Variants in ADAM32 observed in about 807,000 individuals in gnomAD.
The protein encoded by ADAM32 is ADAM metallopeptidase domain 32.
Under a neutral mutation model 114.9 loss-of-function variants are expected in ADAM32, and 89 were observed. The ratio of observed to expected loss-of-function variants is 0.77; its 90% confidence interval spans 0.65 to 0.92. ADAM32 has a LOEUF of 0.92. Among genes scored for constraint, ADAM32 ranks in the 40% least tolerant of loss-of-function variants. The probability of loss-of-function intolerance (pLI) is 0.00; values close to 1 mark genes in which losing one functional copy is unlikely to be tolerated. For missense variants in ADAM32, 870 were observed against 932.8 expected (o/e 0.93, Z 0.88); for synonymous variants, 285 against 307.5 (o/e 0.93, Z 0.77).
At chr8:39,276,810 T>C (rs1813102680) in intron 22 of ADAM32, among the ~76,000 whole-genome samples, 1 of 152,210 alleles carries the variant, frequency 6.6e-6, no homozygotes, top group Non-Finnish European at 1.5e-5. Context: ...GGAGTTACCA[T>C]ATAGGGATCA....
chr8:39,268,664 T>G (rs182654210), intron 19 of ADAM32, among the ~76,000 whole-genome samples: 47 of 152,312 alleles, frequency 3.1e-4, no homozygotes, highest in African/African-American at 1.1e-3. Flanking sequence ...AAGAAATAAT[T>G]GCCTAACCCA....
rs911461730 is a variant in ADAM32, at chr8:39,128,893, G to C, written c.139-7764G>C. On this transcript the variant is annotated intron_variant, in intron 2 of 24. Coordinates refer to ENST00000379907, the MANE Select transcript of ADAM32 (RefSeq NM_145004.7). ...TCAGTTCTTCATTCTGGGGATACTTGGTTCTTCATCTGGTAATTTTTAATG... is the reference window on the plus strand; with the variant it reads ...TCAGTTCTTCATTCTGGGGATACTTCGTTCTTCATCTGGTAATTTTTAATG... Among the ~76,000 whole-genome samples the C allele has an allele frequency of 2.6e-5, 4 of 152,176 alleles. No homozygotes were observed. The East Asian group carries it at 7.7e-4, about 29-fold the overall frequency.
intron 19 of ADAM32, among the ~76,000 whole-genome samples, chr8:39,269,721 T>C (rs1812588859): frequency 6.6e-6 from 1 of 152,236 alleles, no homozygotes; most frequent in East Asian, 1.9e-4. Flanking sequence ...GGTAGACTCT[T>C]TTATCTTCAG....
chr8:39,185,517 C>T (rs1806180175), intron 10 of ADAM32, among the ~76,000 whole-genome samples: 1 of 152,114 alleles, frequency 6.6e-6, no homozygotes, highest in South Asian at 2.1e-4. Flanking sequence ...TAGATTCATT[C>T]AATATTACCA....
At position 39,245,603 on chromosome 8, in the gene ADAM32, G is replaced by C. The variant is rs1810865330; in HGVS notation, c.1819-480G>C. 3.3e-5 allele frequency among the ~76,000 whole-genome samples: 5 copies of C among 152,136 alleles called. No homozygotes were observed. In the South Asian group the frequency reaches 8.3e-4, roughly 25 times the overall value. On this transcript the variant is annotated intron_variant, in intron 16 of 24. Transcript: ENST00000379907. ...AGAGGAAAGGCCATGTGAGGACATA[G>C]GGAGAAGGCAAGTCTAGAAGAGAGG...
intron 12 of ADAM32, among the ~76,000 whole-genome samples, chr8:39,212,282 G>T (rs1808276869): frequency 6.6e-6 from 1 of 152,052 alleles, no homozygotes; most frequent in Non-Finnish European, 1.5e-5. Context: ...CCAAAGTGCT[G>T]GGATTGCAGG....
chr8:39,116,164 A>T (rs1840365478), intron 1 of ADAM32, among the ~76,000 whole-genome samples: 1 of 152,202 alleles, frequency 6.6e-6, no homozygotes, highest in South Asian at 2.1e-4. Flanking sequence ...GAAGACAGGT[A>T]GTGTGAGACC....
At chr8:39,267,466 A>T (rs1812438911) in intron 19 of ADAM32, among the ~76,000 whole-genome samples, 1 of 152,108 alleles carries the variant, frequency 6.6e-6, no homozygotes, top group African/African-American at 2.4e-5. Flanking sequence ...ATATACCTTA[A>T]TTTTTTTAAA....
intron 11 of ADAM32, among the ~76,000 whole-genome samples, chr8:39,198,163 C>G (rs1807137257): frequency 1.4e-5 from 2 of 140,848 alleles, no homozygotes; most frequent in Non-Finnish European, 3.2e-5. Context: ...TCTGTTTGTG[C>G]AGAATTTTTT....
intron 22 of ADAM32, among the ~76,000 whole-genome samples, chr8:39,278,962 C>G (rs751836157): frequency 3.9e-5 from 6 of 152,140 alleles, no homozygotes; most frequent in Non-Finnish European, 8.8e-5. Flanking sequence ...GTGCCATGTA[C>G]TGTCATTGAT....
chr8:39,266,487 T>C (rs1224697504), intron 19 of ADAM32, among the ~76,000 whole-genome samples: 2 of 152,216 alleles, frequency 1.3e-5, no homozygotes, highest in Non-Finnish European at 2.9e-5. Context: ...GAAATTCCTG[T>C]AGTGAATTTC....
intron 2 of ADAM32, among the ~76,000 whole-genome samples, chr8:39,120,607 C>A (rs1004532151): frequency 6.6e-6 from 1 of 151,694 alleles, no homozygotes; most frequent in African/African-American, 2.4e-5. Context: ...ACTAAAAATA[C>A]AAAAATTAGC....
intron 20 of ADAM32, 59 bp from the exon 21 acceptor site, chr8:39,274,253 A>G (rs373963469): frequency 1.6e-5 from 25 of 1,530,948 alleles, no homozygotes; most frequent in Non-Finnish European, 2.1e-5. Context: ...ATTTTCATTC[A>G]TGAAGTTGGC....
Position 39,211,215 on chromosome 8 carries a change from G to A in ADAM32, c.1124G>A (p.Gly375Asp), listed in dbSNP as rs758631961. 1.2e-6 allele frequency: 2 copies of A among 1,607,074 alleles called. No homozygotes were observed. Among genetic ancestry groups the A allele is most frequent in the Admixed American group, 1.7e-5 (1 of 58,744 alleles). The change falls in exon 12 of 25, where the codon GGT (glycine) becomes GAT (aspartate). Residue 375 changes from glycine (G) to aspartate (D), a missense_variant. Physicochemically the swap from Gly to Asp is moderately conservative, Grantham distance 94. Transcript: ENST00000379907. ...TTTCAAAATTTCATTTCAAATGTGG[G>A]TGTCAAATGTCTTCAGAATAAGCCA... ...RSFQNFISNV[G>D]VKCLQNKPQM...
At chr8:39,282,991 CTTATA>C (rs994747558) in intron 23 of ADAM32, among the ~76,000 whole-genome samples, 4 of 152,072 alleles carry the variant, frequency 2.6e-5, no homozygotes, top group Admixed American at 2.6e-4. Context: ...AATACTCTCA[CTTATA>C]TTGTATTATC....
chr8:39,156,751 T>G (rs1428223880), intron 6 of ADAM32, among the ~76,000 whole-genome samples: 2 of 152,222 alleles, frequency 1.3e-5, no homozygotes, highest in Non-Finnish European at 2.9e-5. Flanking sequence ...ACCCTCTCCC[T>G]GTATCTGCAC....
chr8:39,178,136 T>G (rs1805637806), intron 10 of ADAM32, among the ~76,000 whole-genome samples: 1 of 152,170 alleles, frequency 6.6e-6, no homozygotes, highest in Non-Finnish European at 1.5e-5. Flanking sequence ...TCTCCCCATC[T>G]CTTTCAGGTA....
chr8:39,265,077 G>A (rs900761694), intron 19 of ADAM32, among the ~76,000 whole-genome samples: 5 of 152,154 alleles, frequency 3.3e-5, no homozygotes, highest in Non-Finnish European at 5.9e-5. Flanking sequence ...CTTTCAGGGG[G>A]TGTTGAAGTC....
At chr8:39,185,346 A>ACAAAAAAC (rs1554609615) in intron 10 of ADAM32, among the ~76,000 whole-genome samples, 35 of 146,552 alleles carry the variant, frequency 2.4e-4, no homozygotes, top group Admixed American at 1.6e-3. Context: ...AGTCTACAAA[A>ACAAAAAAC]AAAAAACAAA....
Sources: gnomAD v4.1 joint callset for allele counts (sites outside exome capture counted in the v4.1 genomes callset) on GRCh38, gnomAD v4.1.1 for gene constraint, MANE v1.5 for transcripts, NCBI Gene and HGNC (gene_info 2026-07-23, HGNC 2026-07-21) for gene names.